Variants in CNTNAP2 observed in about 807,000 individuals in gnomAD.
CNTNAP2 encodes the protein contactin-associated protein-like 2.
Under a neutral mutation model 155.2 loss-of-function variants are expected in CNTNAP2, and 98 were observed. The ratio of observed to expected loss-of-function variants is 0.63; its 90% CI spans 0.54 to 0.75. The LOEUF is 0.75. Ranked by LOEUF, CNTNAP2 falls within the 30% of genes least tolerant of loss-of-function variation. CNTNAP2 has a pLI of 0.00. For missense variants in CNTNAP2, 1,727 were observed against 1,688.1 expected (o/e 1.02, Z -0.40); for synonymous variants, 651 against 631.2 (o/e 1.03, Z -0.47).
rs758759499 is a variant in CNTNAP2, at chr7:147,395,807, CGTT to C, written c.1670+30_1670+32del. 4 of 1,610,024 alleles carry C rather than the reference CGTT, an allele frequency of 2.5e-6. No homozygotes were observed. The Admixed American group carries it at 5.0e-5, about 20-fold the overall frequency. On this transcript the variant is annotated intron_variant, in intron 10 of 23. Transcript: ENST00000361727. The stretch of plus-strand genomic sequence containing the variant: ...TAAATGATCTTTTCATCCTACCTCA[CGTT>C]GTCCAAACTTTCCAAACCTGTGTTT...
At chr7:146,317,762 C>T (rs1800933012) in intron 1 of CNTNAP2, among the ~76,000 whole-genome samples, 1 of 152,232 alleles carries the variant, frequency 6.6e-6, no homozygotes, top group South Asian at 2.1e-4. Context: ...TAACATTACA[C>T]ATGTCATCTT....
chr7:148,382,296 C>G (rs1332226150), intron 21 of CNTNAP2, among the ~76,000 whole-genome samples: 2 of 152,200 alleles, frequency 1.3e-5, no homozygotes, highest in African/African-American at 4.8e-5. Context: ...GCCCCAGGCT[C>G]TCTCCCTTGA....
At chr7:146,545,644 A>T (rs558975921) in intron 1 of CNTNAP2, among the ~76,000 whole-genome samples, 23 of 151,964 alleles carry the variant, frequency 1.5e-4, no homozygotes, top group African/African-American at 4.6e-4. Context: ...TGCCAGCTTC[A>T]TCCATGTCCC....
intron 15 of CNTNAP2, among the ~76,000 whole-genome samples, chr7:148,106,519 T>C (rs906845593): frequency 5.1e-4 from 67 of 130,852 alleles, no homozygotes; most frequent in South Asian, 1.3e-3. Context: ...TATATATATA[T>C]ACATATTTTT....
intron 14 of CNTNAP2, among the ~76,000 whole-genome samples, chr7:147,954,528 G>A (rs1800987770): frequency 6.6e-6 from 1 of 151,978 alleles, no homozygotes; most frequent in African/African-American, 2.4e-5. Context: ...ATCATTTTTT[G>A]TAAGTTACTG....
At chr7:147,451,822 G>T (rs1771595995) in intron 10 of CNTNAP2, among the ~76,000 whole-genome samples, 1 of 151,064 alleles carries the variant, frequency 6.6e-6, no homozygotes, top group Non-Finnish European at 1.5e-5. Context: ...AATATTAAAA[G>T]GTGGAACCTT....
chr7:147,740,539 A>G (rs757141942), intron 13 of CNTNAP2, among the ~76,000 whole-genome samples: 38 of 152,280 alleles, frequency 2.5e-4, no homozygotes, highest in Non-Finnish European at 3.5e-4. Flanking sequence ...TTTTCTCTAT[A>G]AAGAATGCAT....
At chr7:146,938,757 A>G (rs1796981544) in intron 3 of CNTNAP2, among the ~76,000 whole-genome samples, 1 of 152,038 alleles carries the variant, frequency 6.6e-6, no homozygotes, top group Admixed American at 6.6e-5. Flanking sequence ...CAGCTTCTCG[A>G]GGGACAAAAA....
intron 15 of CNTNAP2, among the ~76,000 whole-genome samples, chr7:148,079,487 G>A (rs1054728229): frequency 1.3e-5 from 2 of 152,130 alleles, no homozygotes; most frequent in East Asian, 1.9e-4. Context: ...ACAGGTAGCC[G>A]GCTTTGGAGA....
At chr7:148,348,812 A>T (rs2116594098) in intron 21 of CNTNAP2, among the ~76,000 whole-genome samples, 1 of 152,366 alleles carries the variant, frequency 6.6e-6, no homozygotes, top group South Asian at 2.1e-4. Context: ...GATTTTGGGC[A>T]GATTCACTAC....
intron 15 of CNTNAP2, among the ~76,000 whole-genome samples, chr7:148,084,864 T>G (rs1803691192): frequency 6.6e-6 from 1 of 152,238 alleles, no homozygotes; most frequent in Admixed American, 6.5e-5. Context: ...TTTGGCTGGT[T>G]CTTTTATCAA....
At chr7:147,322,755 C>T (rs954517223) in intron 9 of CNTNAP2, among the ~76,000 whole-genome samples, 2 of 142,660 alleles carry the variant, frequency 1.4e-5, no homozygotes, top group Non-Finnish European at 3.0e-5. Context: ...ATTTCAGCTC[C>T]TGTTATTGGT....
At chr7:148,020,239 C>G (rs1802256916) in intron 15 of CNTNAP2, among the ~76,000 whole-genome samples, 1 of 152,182 alleles carries the variant, frequency 6.6e-6, no homozygotes, top group Admixed American at 6.5e-5. Flanking sequence ...TACTTTTATT[C>G]TTCTTTAAAT....
chr7:146,947,410 C>A (rs7811492), intron 3 of CNTNAP2, among the ~76,000 whole-genome samples: 19,547 of 122,244 alleles, frequency 0.16, 1,689 homozygotes, highest in Middle Eastern at 0.23. Flanking sequence ...CTCTCTCTCT[C>A]TATATATATA....
intron 1 of CNTNAP2, among the ~76,000 whole-genome samples, chr7:146,137,451 AT>A (rs199607930): frequency 1.1e-3 from 171 of 152,082 alleles, no homozygotes; most frequent in African/African-American, 3.9e-3. Flanking sequence ...TGTCTGTGGC[AT>A]TTTTTTTCTT....
intron 21 of CNTNAP2, among the ~76,000 whole-genome samples, chr7:148,305,042 T>G (rs188761024): frequency 1.3e-4 from 16 of 121,814 alleles, no homozygotes; most frequent in African/African-American, 4.0e-4. Flanking sequence ...TAGTGTGAGA[T>G]CCTGTCTCTA....
intron 1 of CNTNAP2, among the ~76,000 whole-genome samples, chr7:146,390,548 T>C (rs888945419): frequency 3.3e-5 from 5 of 150,820 alleles, no homozygotes; most frequent in African/African-American, 1.2e-4. Flanking sequence ...TGTATATATA[T>C]ACACACTATA....
intron 1 of CNTNAP2, among the ~76,000 whole-genome samples, chr7:146,244,247 T>A (rs1013089701): frequency 6.6e-6 from 1 of 152,164 alleles, no homozygotes; most frequent in Non-Finnish European, 1.5e-5. Context: ...AGTGGCAGTT[T>A]GGGGATAGCA....
rs563213813 is a variant in CNTNAP2, at chr7:147,536,870, T to C, written c.1778-25268T>C. ...AGCTTCAAATAATGTGTTTAACCTA[T>C]GCCTGGCCGTAAAGCCTCCCCTCTC... On this transcript the variant is annotated intron_variant, in intron 11 of 23. Transcript: ENST00000361727. 1.2e-3 allele frequency among the ~76,000 whole-genome samples: 179 copies of C among 152,302 alleles called. 1 individual carries two copies. The highest frequency in any genetic ancestry group is 3.8e-3 in the African/African-American group (159 of 41,570).
Sources: allele counts gnomAD v4.1 joint callset (sites outside exome capture counted in the v4.1 genomes callset), GRCh38; gene constraint gnomAD v4.1.1; transcripts MANE v1.5; gene names NCBI Gene and HGNC (gene_info 2026-07-23, HGNC 2026-07-21).